The following TMEM175 variants were observed in gnomAD, a reference collection of about 807,000 sequenced individuals.
TMEM175 encodes transmembrane protein 175, also known as endosomal/lysosomal proton channel TMEM175.
In TMEM175, 36 loss-of-function variants were observed where a neutral mutation model predicts 36.5. The ratio of observed to expected loss-of-function variants is 0.99; its 90% CI spans 0.76 to 1.30. The LOEUF (loss-of-function observed/expected upper bound fraction) is 1.30. TMEM175 is among the 50% of genes most tolerant of loss of function. The probability of loss-of-function intolerance (pLI) is 0.00; values close to 1 mark genes in which losing one functional copy is unlikely to be tolerated. For synonymous variants in TMEM175, 339 were observed against 313.4 expected, an observed-to-expected ratio of 1.08 and a Z score of -0.86; for missense variants, 705 against 692.8, an observed-to-expected ratio of 1.02 and a Z score of -0.20.
At chr4:943,873 A>G (rs780421849) in intron 1 of TMEM175, among the ~76,000 whole-genome samples, 60 of 152,368 alleles carry the variant, frequency 3.9e-4, no homozygotes, top group Admixed American at 8.5e-4. Flanking sequence ...GTGTCCATGC[A>G]GTGAAATTAC....
intron 1 of TMEM175, among the ~76,000 whole-genome samples, chr4:944,729 G>A (rs551440651): frequency 6.6e-6 from 1 of 151,480 alleles, no homozygotes; most frequent in Non-Finnish European, 1.5e-5. Flanking sequence ...TTGTAGATCT[G>A]TTTTAACTTT....
At chr4:946,931 C>G (rs1439583689) in intron 1 of TMEM175, among the ~76,000 whole-genome samples, 1 of 131,442 alleles carries the variant, frequency 7.6e-6, no homozygotes, top group South Asian at 2.5e-4. Flanking sequence ...GCACAGGCGC[C>G]GAGACCGAGG....
Position 958,513 on chromosome 4 carries a change from TC to T in TMEM175, c.*20del. Reference sequence around the variant, plus strand: ...CCCTGCTAGCAGCCACAGAGCCCACTCCCAGCCGTCCTCACCAGAGATGGAC... The same window carrying T: ...CCCTGCTAGCAGCCACAGAGCCCACTCCAGCCGTCCTCACCAGAGATGGAC... On this transcript the variant is annotated 3_prime_UTR_variant, in exon 11 of 11. Transcript: ENST00000264771. The T allele has an allele frequency of 6.8e-7, 1 of 1,479,810 alleles. No individual in the cohort carries two copies. The highest frequency in any genetic ancestry group is 9.0e-7 in the Non-Finnish European group (1 of 1,116,116). 91.7% of individuals were successfully genotyped at this position (1,479,810 alleles called of 1,614,324 possible).
chr4:947,041 G>A (rs534391230), intron 1 of TMEM175, among the ~76,000 whole-genome samples: 22 of 140,374 alleles, frequency 1.6e-4, no homozygotes, highest in African/African-American at 4.8e-4. Context: ...CCAGGCACGC[G>A]TGCACGGGCG....
At chr4:950,391 G>T in intron 3 of TMEM175, 30 bp from the exon 4 acceptor site, 3 of 1,551,196 alleles carry the variant, frequency 1.9e-6, no homozygotes, top group Middle Eastern at 1.7e-4. Flanking sequence ...ATGTCACCTG[G>T]GCTCTGACAG....
chr4:953,076 G>A, intron 7 of TMEM175, 114 bp from the exon 8 acceptor site: 4 of 1,166,308 alleles, frequency 3.4e-6, no homozygotes, highest in Non-Finnish European at 4.7e-6. Context: ...CCGGGGCCAG[G>A]TCCTCCCCAC....
chr4:952,628 C>CTGTGTG (rs35529704), intron 7 of TMEM175, among the ~76,000 whole-genome samples, 178 bp downstream of exon 7: 6 of 114,862 alleles, frequency 5.2e-5, no homozygotes, highest in Admixed American at 1.7e-4. Context: ...GGGTCCTGTG[C>CTGTGTG]TGTGTGTGTG....
intron 1 of TMEM175, among the ~76,000 whole-genome samples, chr4:946,725 C>T (rs1182248536): frequency 6.6e-6 from 1 of 152,204 alleles, no homozygotes. Context: ...GCCCAGTGTG[C>T]ACCCAGCCCC....
At chr4:955,550 G>A (rs559417538) in intron 9 of TMEM175, 67 bp downstream of exon 9, 35 of 1,531,996 alleles carry the variant, frequency 2.3e-5, no homozygotes, top group South Asian at 2.2e-4. Context: ...CGGCTGCTCC[G>A]CACTGAGGGC....
intron 6 of TMEM175, chr4:951,935 G>A (rs546284216): frequency 7.9e-5 from 48 of 604,520 alleles, no homozygotes; most frequent in Admixed American, 5.0e-4. Flanking sequence ...AGTCACCGGC[G>A]CTCCCAGCTC....
At chr4:936,719 G>T (rs1726826723) in intron 1 of TMEM175, among the ~76,000 whole-genome samples, 1 of 152,180 alleles carries the variant, frequency 6.6e-6, no homozygotes, top group Non-Finnish European at 1.5e-5. Flanking sequence ...ACTTTGGGAG[G>T]CCAAGGCAGG....
chr4:948,055 A>G, intron 2 of TMEM175, 61 bp from the exon 3 acceptor site: 32 of 1,613,810 alleles, frequency 2.0e-5, no homozygotes, highest in Non-Finnish European at 2.7e-5. Flanking sequence ...CAGTACTGCC[A>G]CACCCAATCC....
intron 1 of TMEM175, among the ~76,000 whole-genome samples, chr4:942,633 T>G (rs1285294148): frequency 2.0e-5 from 3 of 150,838 alleles, no homozygotes; most frequent in African/African-American, 7.3e-5. Flanking sequence ...TTCCTTGAAT[T>G]TTCTTTTTTT....
intron 1 of TMEM175, among the ~76,000 whole-genome samples, chr4:945,403 G>A (rs945580075): frequency 2.0e-5 from 3 of 151,594 alleles, no homozygotes; most frequent in East Asian, 3.9e-4. Flanking sequence ...TGTCCCCACC[G>A]TTCATTCCAG....
intron 1 of TMEM175, among the ~76,000 whole-genome samples, chr4:940,224 A>C (rs1727270208): frequency 6.6e-6 from 1 of 152,134 alleles, no homozygotes; most frequent in Non-Finnish European, 1.5e-5. Flanking sequence ...CAAGGCAGTC[A>C]GATCAACTGA....
chr4:954,589 C>G (rs993975563), intron 8 of TMEM175, among the ~76,000 whole-genome samples: 3 of 152,154 alleles, frequency 2.0e-5, no homozygotes, highest in Non-Finnish European at 2.9e-5. Context: ...GGAGTGATGC[C>G]TCTCTGAGCA....
chr4:949,204 G>A (rs917374340), intron 3 of TMEM175, among the ~76,000 whole-genome samples: 1 of 152,196 alleles, frequency 6.6e-6, no homozygotes, highest in East Asian at 1.9e-4. Flanking sequence ...TGTGATGCCC[G>A]TGCCAGAGGG....
Position 948,500 on chromosome 4 carries a change from C to A in TMEM175, c.192+346C>A, listed in dbSNP as rs571715616. 5.0e-6 allele frequency: 7 copies of A among 1,412,050 alleles called. No individual in the cohort carries two copies. The Admixed American group carries it at 1.5e-4, about 30-fold the overall frequency. The allele number at this position is 1,412,050 out of a possible 1,614,324, so 87.5% of individuals were successfully genotyped here. A position where few individuals can be genotyped will look rare whatever the true frequency, so the allele number is the denominator to read the frequency against. On this transcript the variant is annotated intron_variant, in intron 3 of 10. Coordinates refer to ENST00000264771, the MANE Select transcript of TMEM175 (RefSeq NM_032326.4). ...GCCCCAAGGACAGAAGTTTCCTCTG[C>A]GGGAGGGCAGCTGCCCCAGCAGGCA...
rs1048033166 is a variant in TMEM175 at position 957,991 on chromosome 4, C to T, written c.1010C>T (p.Ala337Val). The change falls in exon 11 of 11, where the codon GCC becomes GTC. Residue 337 changes from alanine (A) to valine (V), a missense_variant. Physicochemically the swap from Ala to Val is moderately conservative, Grantham distance 64. Transcript: ENST00000264771. ...TCACTCTTCCTGCATGTGCGCAAGG[C>T]CACGCGGGCCATGGGGCTGCTGAAC... ...HHSLFLHVRK[A>V]TRAMGLLNTL... is the part of the protein sequence containing the mutation. 4 of 1,612,700 alleles carry T rather than the reference C, an allele frequency of 2.5e-6. No homozygotes were observed. In the African/African-American group the frequency reaches 5.3e-5, roughly 22 times the overall value.
Sources: gnomAD v4.1 joint callset for allele counts (sites outside exome capture counted in the v4.1 genomes callset) on GRCh38, gnomAD v4.1.1 for gene constraint, MANE v1.5 for transcripts, NCBI Gene and HGNC (gene_info 2026-07-23, HGNC 2026-07-21) for gene names.